Variants in MEIS2 observed in about 807,000 individuals in gnomAD.
The protein encoded by MEIS2 is homeobox protein Meis2.
Under a neutral mutation model 58.6 loss-of-function variants are expected in MEIS2, and 9 were observed. That is an observed-to-expected ratio of 0.15 (90% CI 0.09 to 0.27). The LOEUF is 0.27. Ranked by LOEUF, MEIS2 falls within the 10% of genes least tolerant of loss-of-function variation. MEIS2 has a pLI of 1.00. For missense variants in MEIS2, 427 were observed against 635.0 expected (o/e 0.67, Z 3.52); for synonymous variants, 221 against 228.4 (o/e 0.97, Z 0.29).
intron 8 of MEIS2, among the ~76,000 whole-genome samples, chr15:36,964,925 C>T (rs372127924): frequency 6.6e-6 from 1 of 152,100 alleles, no homozygotes; most frequent in Admixed American, 6.5e-5. Flanking sequence ...TAGCTCTTTC[C>T]ATCTGTCATT....
At chr15:36,991,787 T>TC (rs1198287461) in intron 8 of MEIS2, among the ~76,000 whole-genome samples, 18 of 117,096 alleles carry the variant, frequency 1.5e-4, no homozygotes, top group African/African-American at 4.3e-4. Context: ...TTTTTTCTTT[T>TC]TTTTTTTTTT....
chr15:36,994,046 C>A (rs898144934), intron 8 of MEIS2, among the ~76,000 whole-genome samples: 4 of 152,012 alleles, frequency 2.6e-5, no homozygotes, highest in African/African-American at 9.7e-5. Flanking sequence ...AAAGTATGCA[C>A]ATCTCTATTC....
chr15:37,030,725 T>C (rs2061884733), intron 8 of MEIS2, among the ~76,000 whole-genome samples: 1 of 151,982 alleles, frequency 6.6e-6, no homozygotes, highest in Non-Finnish European at 1.5e-5. Context: ...TGATCATGGC[T>C]CCATGCAGCC....
chr15:37,083,665 C>T, intron 7 of MEIS2, 106 bp downstream of exon 7: 1 of 776,740 alleles, frequency 1.3e-6, no homozygotes, highest in South Asian at 2.0e-5. Flanking sequence ...TACTCCCTAA[C>T]CTGCCACTCT....
At position 37,043,497 on chromosome 15, in the gene MEIS2, T is replaced by C. The variant is rs530048841; in HGVS notation, c.755-6538A>G. Among the ~76,000 whole-genome samples the C allele has an allele frequency of 9.8e-5, 15 of 152,294 alleles. No homozygotes were observed. The South Asian group carries it at 2.3e-3, about 23-fold the overall frequency. On this transcript the variant is annotated intron_variant, in intron 7 of 11. Transcript: ENST00000561208. ...ATATGCTATTTTAAACCTAAATTTATGTAAATTAAATTGTCACTATTTAAA... is the reference window on the plus strand; with the variant it reads ...ATATGCTATTTTAAACCTAAATTTACGTAAATTAAATTGTCACTATTTAAA...
At chr15:36,956,730 G>A (rs146904174) in intron 8 of MEIS2, among the ~76,000 whole-genome samples, 87 of 152,014 alleles carry the variant, frequency 5.7e-4, no homozygotes, top group Admixed American at 1.1e-3. Context: ...TCCTAACATC[G>A]TTTCTACACC....
At chr15:37,002,889 A>G (rs1182285997) in intron 8 of MEIS2, among the ~76,000 whole-genome samples, 1 of 152,212 alleles carries the variant, frequency 6.6e-6, no homozygotes, top group Non-Finnish European at 1.5e-5. Context: ...ATTTCTAAGA[A>G]GACAGTGCTA....
intron 3 of MEIS2, 68 bp from the exon 4 acceptor site, chr15:37,095,682 T>C: frequency 6.2e-7 from 1 of 1,609,916 alleles, no homozygotes; most frequent in Non-Finnish European, 8.5e-7. Flanking sequence ...AATGTGAGAA[T>C]GGGTACGGTG....
chr15:37,048,189 A>G (rs2062760779), intron 7 of MEIS2, among the ~76,000 whole-genome samples: 1 of 152,292 alleles, frequency 6.6e-6, no homozygotes, highest in Non-Finnish European at 1.5e-5. Context: ...AAACTAGAAT[A>G]TAATTAGTCT....
At chr15:37,098,650 G>C (rs1351723403) in intron 1 of MEIS2, 1 of 193,688 alleles carries the variant, frequency 5.2e-6, no homozygotes, top group Non-Finnish European at 9.6e-6. Flanking sequence ...CCCGCCGGAG[G>C]CAACAGAACC....
intron 8 of MEIS2, among the ~76,000 whole-genome samples, chr15:37,016,788 C>T (rs2061364065): frequency 6.6e-6 from 1 of 152,066 alleles, no homozygotes; most frequent in African/African-American, 2.4e-5. Context: ...GCAATGGTGT[C>T]CCCCAAAATA....
intron 9 of MEIS2, among the ~76,000 whole-genome samples, chr15:36,915,364 A>T (rs1348577577): frequency 3.9e-5 from 6 of 152,130 alleles, no homozygotes; most frequent in Admixed American, 1.3e-4. Context: ...GCTAGGAGGG[A>T]AGCTCTCTAC....
chr15:37,058,610 C>A (rs575814853), intron 7 of MEIS2, among the ~76,000 whole-genome samples: 1 of 152,316 alleles, frequency 6.6e-6, no homozygotes, highest in East Asian at 1.9e-4. Context: ...GAGCTCTTTC[C>A]TCAGTGGGCA....
At chr15:36,934,460 A>C (rs2058091383) in intron 9 of MEIS2, among the ~76,000 whole-genome samples, 1 of 152,262 alleles carries the variant, frequency 6.6e-6, no homozygotes, top group Non-Finnish European at 1.5e-5. Flanking sequence ...GCAATTCATC[A>C]GCCTCTTCCC....
At chr15:36,985,020 C>G (rs991312609) in intron 8 of MEIS2, among the ~76,000 whole-genome samples, 2 of 152,032 alleles carry the variant, frequency 1.3e-5, no homozygotes, top group Non-Finnish European at 2.9e-5. Context: ...TTTCAAAAAA[C>G]CTACCCTTAG....
intron 2 of MEIS2, chr15:37,097,452 G>A (rs1894409616): frequency 6.5e-6 from 1 of 153,362 alleles, no homozygotes; most frequent in African/African-American, 2.4e-5. Context: ...TATTTACAGA[G>A]AATTAAGAAG....
At chr15:36,936,320 C>T (rs368078276) in intron 9 of MEIS2, among the ~76,000 whole-genome samples, 3 of 151,928 alleles carry the variant, frequency 2.0e-5, no homozygotes, top group Admixed American at 6.5e-5. Context: ...CTCAGCCTCC[C>T]GAGTAGCTGG....
intron 8 of MEIS2, among the ~76,000 whole-genome samples, chr15:36,997,875 A>C (rs1332612949): frequency 6.6e-6 from 1 of 152,184 alleles, no homozygotes; most frequent in Non-Finnish European, 1.5e-5. Flanking sequence ...CAGGCAGTTC[A>C]TTCCACATTC....
rs1447970871 is a variant in MEIS2, at chr15:36,892,437, G to C, written c.1170C>G (p.Asp390Glu). 7.4e-6 allele frequency: 12 copies of C among 1,612,956 alleles called. No homozygotes were observed. The highest frequency in any genetic ancestry group is 5.0e-5 in the Admixed American group (3 of 59,882). Reference protein sequence around the residue: ...RPAGLQSMPGDYVSQGGPMGM... With the variant: ...RPAGLQSMPGEYVSQGGPMGM... Reference sequence around the variant, plus strand: ...CCATAGGACCACCCTGAGAAACGTAGTCCCCTGGCATGCTCTGCAAACCTG... The same window carrying C: ...CCATAGGACCACCCTGAGAAACGTACTCCCCTGGCATGCTCTGCAAACCTG... The change falls in exon 12 of 12, where the codon GAC becomes GAG. Residue 390 changes from aspartate (D) to glutamate (E), a missense_variant. Physicochemically the swap from Asp to Glu is conservative, Grantham distance 45. Around this residue, in one of 6 missense-constraint regions of MEIS2, gnomAD observed 154 missense variants for 148.1 expected, o/e 1.04. Coordinates refer to ENST00000561208, the MANE Select transcript of MEIS2 (RefSeq NM_170675.5).
Sources: gnomAD v4.1 joint callset for allele counts (sites outside exome capture counted in the v4.1 genomes callset) on GRCh38, gnomAD v4.1.1 for gene constraint, gnomAD v4.1.1 regional missense constraint, MANE v1.5 for transcripts, NCBI Gene and HGNC (gene_info 2026-07-23, HGNC 2026-07-21) for gene names.